LOC400499: variants seen among roughly 807,000 people sequenced by gnomAD.
the LOC400499 span, chr16:11,411,116 C>T: frequency 1.5e-5 from 6 of 397,156 alleles, no homozygotes; most frequent in East Asian, 2.1e-4. Flanking sequence ...GAGGGTTGCC[C>T]ACCGGAGCCT....
chr16:11,462,046 G>C, the LOC400499 span: 2 of 1,316,338 alleles, frequency 1.5e-6, no homozygotes, highest in African/African-American at 3.0e-5. Context: ...AGGACCATAA[G>C]GAGGCACTTG....
At chr16:11,421,950 G>C in the LOC400499 span, among the ~76,000 whole-genome samples, 2 of 152,192 alleles carry the variant, frequency 1.3e-5, no homozygotes, top group African/African-American at 4.8e-5. Context: ...ACTACAACAA[G>C]AAATGTGAAA....
the LOC400499 span, among the ~76,000 whole-genome samples, chr16:11,445,161 C>T: frequency 3.3e-5 from 5 of 151,528 alleles, no homozygotes; most frequent in Non-Finnish European, 4.4e-5. Context: ...CTGGGTGCAG[C>T]GGTAATCCCA....
At chr16:11,407,262 G>A in the LOC400499 span, 26 of 398,980 alleles carry the variant, frequency 6.5e-5, no homozygotes, top group South Asian at 6.4e-4. Flanking sequence ...GCTACCTGCC[G>A]GGTGCTGATG....
chr16:11,508,918 C>T, the LOC400499 span: 8 of 398,364 alleles, frequency 2.0e-5, no homozygotes, highest in African/African-American at 1.6e-4. Flanking sequence ...GCTAGAAAGC[C>T]CTCTGGGAGT....
At chr16:11,424,981 C>G in the LOC400499 span, 2 of 397,456 alleles carry the variant, frequency 5.0e-6, no homozygotes, top group African/African-American at 4.1e-5. Flanking sequence ...GAAGGAGACA[C>G]AGGTGTGCCG....
chr16:11,493,212 G>C, the LOC400499 span, among the ~76,000 whole-genome samples: 5 of 152,230 alleles, frequency 3.3e-5, no homozygotes, highest in African/African-American at 1.2e-4. Flanking sequence ...TTTCTGTAAA[G>C]GGACAGAGAA....
chr16:11,390,570 A>C, the LOC400499 span: 2 of 907,136 alleles, frequency 2.2e-6, no homozygotes, highest in Non-Finnish European at 2.9e-6. Flanking sequence ...TCCTGGGATT[A>C]AGATGTGGGG....
At chr16:11,447,808 T>C in the LOC400499 span, 1 of 1,297,262 alleles carries the variant, frequency 7.7e-7, no homozygotes, top group Non-Finnish European at 1.0e-6. Flanking sequence ...AGGTTCCATC[T>C]GGGCCCCAGC....
chr16:11,464,093 T>G, the LOC400499 span, among the ~76,000 whole-genome samples: 1 of 152,218 alleles, frequency 6.6e-6, no homozygotes, highest in Non-Finnish European at 1.5e-5. Flanking sequence ...TACGAATGTA[T>G]GTACAGCTGT....
At chr16:11,490,002 TTA>T in the LOC400499 span, among the ~76,000 whole-genome samples, 1 of 151,744 alleles carries the variant, frequency 6.6e-6, no homozygotes, top group Non-Finnish European at 1.5e-5. Context: ...GTAAAATGGG[TTA>T]TAGTACAAAC....
the LOC400499 span, among the ~76,000 whole-genome samples, chr16:11,504,340 G>C: frequency 1.3e-5 from 2 of 152,160 alleles, no homozygotes; most frequent in Admixed American, 1.3e-4. Flanking sequence ...TGGATCACTG[G>C]AAGTCAGGAG....
At chr16:11,507,351 C>T in the LOC400499 span, among the ~76,000 whole-genome samples, 3 of 148,508 alleles carry the variant, frequency 2.0e-5, no homozygotes, top group Non-Finnish European at 4.4e-5. Context: ...CCACATTGCA[C>T]GTGACAGCCT....
At chr16:11,502,152 G>C in the LOC400499 span, 5 of 399,030 alleles carry the variant, frequency 1.3e-5, no homozygotes, top group Non-Finnish European at 2.2e-5. Flanking sequence ...CTGGAGCTGG[G>C]ACACCAGTGT....
chr16:11,463,422 A>G, the LOC400499 span, among the ~76,000 whole-genome samples: 2 of 141,202 alleles, frequency 1.4e-5, no homozygotes, highest in South Asian at 2.4e-4. Context: ...GTACAGATGT[A>G]TCTGTACATG....
the LOC400499 span, among the ~76,000 whole-genome samples, chr16:11,412,650 G>A: frequency 6.6e-6 from 1 of 152,228 alleles, no homozygotes; most frequent in Non-Finnish European, 1.5e-5. Context: ...GCCCTGCCTG[G>A]AGAGGATGAG....
chr16:11,496,881 T>C, the LOC400499 span, among the ~76,000 whole-genome samples: 1 of 141,182 alleles, frequency 7.1e-6, no homozygotes, highest in Non-Finnish European at 1.6e-5. Context: ...TTGGCGTGTA[T>C]GCCTCAATGT....
chr16:11,375,514 T>A, the LOC400499 span, among the ~76,000 whole-genome samples: 1 of 144,106 alleles, frequency 6.9e-6, no homozygotes, highest in Non-Finnish European at 1.5e-5. Flanking sequence ...GGTGTCACCA[T>A]GTTGGCCAGG....
At chr16:11,524,935 C>A in the LOC400499 span, among the ~76,000 whole-genome samples, 1 of 152,196 alleles carries the variant, frequency 6.6e-6, no homozygotes, top group Non-Finnish European at 1.5e-5. Context: ...CTCAAAACCA[C>A]CCCGCTGCAC....
Sources: allele counts gnomAD v4.1 joint callset (sites outside exome capture counted in the v4.1 genomes callset), GRCh38; gene constraint gnomAD v4.1.1; transcripts MANE v1.5.